The following HECW2 variants were observed in gnomAD, a reference collection of about 807,000 sequenced individuals.
The protein encoded by HECW2 is HECT, C2 and WW domain containing E3 ubiquitin protein ligase 2.
HECW2 carries 61 observed loss-of-function variants against 175.2 expected under a neutral mutation model. The observed-to-expected ratio is 0.35, with a 90% CI of 0.28 to 0.43. The LOEUF (loss-of-function observed/expected upper bound fraction) is 0.43, where lower values mean the gene tolerates loss of function less well. Among genes scored for constraint, HECW2 ranks in the 20% least tolerant of loss-of-function variants. The pLI is 1.00. For synonymous variants in HECW2, 671 were observed against 731.0 expected, an observed-to-expected ratio of 0.92 and a Z score of 1.32; for missense variants, 1,524 against 2,000.5, an observed-to-expected ratio of 0.76 and a Z score of 4.54.
At chr2:196,256,093 T>G (rs533340705) in intron 18 of HECW2, among the ~76,000 whole-genome samples, 1 of 151,948 alleles carries the variant, frequency 6.6e-6, no homozygotes, top group East Asian at 1.9e-4. Context: ...AAATAAATAA[T>G]TGAGGACATG....
chr2:196,591,016 T>C (rs1419466252), intron 1 of HECW2, among the ~76,000 whole-genome samples: 1 of 151,550 alleles, frequency 6.6e-6, no homozygotes, highest in African/African-American at 2.4e-5. Flanking sequence ...GAGGGAAAAC[T>C]AGCTTTGTGA....
intron 2 of HECW2, among the ~76,000 whole-genome samples, chr2:196,431,532 T>C (rs1695712583): frequency 6.6e-6 from 1 of 152,166 alleles, no homozygotes; most frequent in Non-Finnish European, 1.5e-5. Flanking sequence ...TATTAAGTCT[T>C]CTATTAAGAT....
At chr2:196,210,054 T>C (rs895129219) in intron 28 of HECW2, among the ~76,000 whole-genome samples, 12 of 152,296 alleles carry the variant, frequency 7.9e-5, no homozygotes, top group African/African-American at 2.4e-4. Flanking sequence ...TGAGCCACTG[T>C]GCCCAGCCTG....
intron 1 of HECW2, among the ~76,000 whole-genome samples, chr2:196,454,552 A>C (rs1696446147): frequency 6.6e-6 from 1 of 152,200 alleles, no homozygotes; most frequent in African/African-American, 2.4e-5. Flanking sequence ...ATTTCTTAGA[A>C]GCAAAATAGC....
intron 1 of HECW2, among the ~76,000 whole-genome samples, chr2:196,501,838 T>C (rs1485647292): frequency 6.6e-6 from 1 of 152,248 alleles, no homozygotes; most frequent in African/African-American, 2.4e-5. Flanking sequence ...CATTCAATAA[T>C]GTTTAGTCCA....
At chr2:196,523,241 T>G (rs1688484654) in intron 1 of HECW2, among the ~76,000 whole-genome samples, 3 of 152,088 alleles carry the variant, frequency 2.0e-5, no homozygotes, top group Admixed American at 2.0e-4. Context: ...GAAGCAATTG[T>G]GAATGGGAGT....
At chr2:196,212,476 T>C (rs1687326691) in intron 28 of HECW2, among the ~76,000 whole-genome samples, 1 of 152,186 alleles carries the variant, frequency 6.6e-6, no homozygotes, top group Admixed American at 6.5e-5. Context: ...GTTAGTTTGC[T>C]AAGGATAATG....
At chr2:196,261,986 G>A (rs905650551) in intron 17 of HECW2, among the ~76,000 whole-genome samples, 6 of 146,054 alleles carry the variant, frequency 4.1e-5, no homozygotes, top group Non-Finnish European at 7.5e-5. Context: ...TTAGAGGAAT[G>A]TTTGAAAATT....
intron 1 of HECW2, among the ~76,000 whole-genome samples, chr2:196,533,389 C>T (rs1169664740): frequency 3.9e-5 from 6 of 152,168 alleles, no homozygotes; most frequent in Non-Finnish European, 8.8e-5. Context: ...TAACAGGAAG[C>T]AACCTCAACC....
chr2:196,572,884 C>A (rs1360854265), intron 1 of HECW2, among the ~76,000 whole-genome samples: 1 of 152,166 alleles, frequency 6.6e-6, no homozygotes, highest in African/African-American at 2.4e-5. Flanking sequence ...GGTTGTCCAA[C>A]CTCCTGAACT....
At position 196,450,010 on chromosome 2, in the gene HECW2, G is replaced by A. The variant is rs1205319374; in HGVS notation, c.-35-16552C>T. ...TCTGCCTACAGTTGTCCCTCCCCTG[G>A]CTTTCTGCAAGTATGGGGGCCTTGG... On this transcript the variant is annotated intron_variant, in intron 1 of 28. Coordinates refer to ENST00000644978, the MANE Select transcript of HECW2 (RefSeq NM_001348768.2). Among the ~76,000 whole-genome samples, 3 of 152,244 alleles carry A rather than the reference G, an allele frequency of 2.0e-5. No individual in the cohort carries two copies. In the East Asian group the frequency reaches 5.8e-4, roughly 29 times the overall value.
At chr2:196,258,747 G>T (rs1689167527) in intron 17 of HECW2, among the ~76,000 whole-genome samples, 1 of 151,932 alleles carries the variant, frequency 6.6e-6, no homozygotes. Context: ...ATAAGATGAA[G>T]AAAAATATAA....
At chr2:196,302,060 A>G (rs1691083285) in intron 13 of HECW2, among the ~76,000 whole-genome samples, 1 of 152,108 alleles carries the variant, frequency 6.6e-6, no homozygotes, top group African/African-American at 2.4e-5. Flanking sequence ...TAATTTTTGT[A>G]TATAATGTAA....
At chr2:196,265,078 A>G (rs1558994725) in intron 17 of HECW2, among the ~76,000 whole-genome samples, 1 of 152,216 alleles carries the variant, frequency 6.6e-6, no homozygotes, top group Non-Finnish European at 1.5e-5. Context: ...CTAGGCATGG[A>G]GCAGTCAAGG....
At chr2:196,303,266 A>G (rs925528414) in intron 13 of HECW2, among the ~76,000 whole-genome samples, 1 of 152,202 alleles carries the variant, frequency 6.6e-6, no homozygotes, top group African/African-American at 2.4e-5. Context: ...GATAAAGTCA[A>G]TTTGATTGTG....
chr2:196,533,774 G>A (rs943322161), intron 1 of HECW2, among the ~76,000 whole-genome samples: 4 of 152,188 alleles, frequency 2.6e-5, no homozygotes, highest in Admixed American at 6.5e-5. Context: ...TGGTAGACTC[G>A]AGAATTTAAT....
intron 21 of HECW2, chr2:196,238,611 C>T (rs1329040279): frequency 6.6e-6 from 1 of 152,088 alleles, no homozygotes; most frequent in African/African-American, 2.4e-5. Flanking sequence ...TCCAGAAATC[C>T]AGCTTCAATA....
At chr2:196,482,956 T>C (rs560714592) in intron 1 of HECW2, among the ~76,000 whole-genome samples, 1 of 152,280 alleles carries the variant, frequency 6.6e-6, no homozygotes, top group East Asian at 1.9e-4. Flanking sequence ...CATGCAAATA[T>C]AGTCCAGTTT....
chr2:196,484,439 G>A (rs767705617), intron 1 of HECW2, among the ~76,000 whole-genome samples: 6 of 152,104 alleles, frequency 3.9e-5, no homozygotes, highest in Non-Finnish European at 7.3e-5. Context: ...CTTACACAGC[G>A]TGATCCTGAA....
Sources: allele counts gnomAD v4.1 joint callset (sites outside exome capture counted in the v4.1 genomes callset), GRCh38; gene constraint gnomAD v4.1.1; transcripts MANE v1.5; gene names NCBI Gene and HGNC (gene_info 2026-07-23, HGNC 2026-07-21).